Variants in PHTF2 observed in about 807,000 individuals in gnomAD.
PHTF2 encodes the protein putative homeodomain transcription factor 2, also known as protein PHTF2.
PHTF2 carries 60 observed loss-of-function variants against 101.2 expected under a neutral mutation model. The ratio of observed to expected loss-of-function variants is 0.59; its 90% CI spans 0.48 to 0.73. PHTF2 has a LOEUF of 0.73. PHTF2 is among the 30% of genes least tolerant of loss of function. The probability of loss-of-function intolerance (pLI) is 0.00; values close to 1 mark genes in which losing one functional copy is unlikely to be tolerated. For synonymous variants in PHTF2, 311 were observed against 307.3 expected, an observed-to-expected ratio of 1.01 and a Z score of -0.13; for missense variants, 747 against 908.7, an observed-to-expected ratio of 0.82 and a Z score of 2.29.
chr7:77,939,736 T>A (rs1805482110), intron 13 of PHTF2, among the ~76,000 whole-genome samples: 2 of 152,216 alleles, frequency 1.3e-5, no homozygotes, highest in Non-Finnish European at 2.9e-5. Flanking sequence ...ATTGCAGTAT[T>A]TATGAATATT....
chr7:77,847,588 G>A (rs1174660636), intron 2 of PHTF2, among the ~76,000 whole-genome samples: 2 of 152,080 alleles, frequency 1.3e-5, no homozygotes, highest in East Asian at 3.8e-4. Flanking sequence ...CATGTTTATA[G>A]GTACATAGTA....
chr7:77,840,322 T>C (rs1795772595), intron 2 of PHTF2, 22 bp downstream of exon 2: 9 of 1,530,916 alleles, frequency 5.9e-6, no homozygotes, highest in Non-Finnish European at 8.1e-6. Context: ...GTCAAAACTT[T>C]TAGCTTTCTA....
intron 2 of PHTF2, among the ~76,000 whole-genome samples, chr7:77,845,586 G>A (rs748268825): frequency 1.4e-4 from 21 of 152,222 alleles, no homozygotes; most frequent in Non-Finnish European, 1.5e-4. Flanking sequence ...TAAATAGTTG[G>A]GAACTTTAAA....
chr7:77,808,938 C>T (rs908889101), intron 1 of PHTF2, among the ~76,000 whole-genome samples: 1 of 152,020 alleles, frequency 6.6e-6, no homozygotes, highest in African/African-American at 2.4e-5. Context: ...TAATCTGGTT[C>T]TCATTACTCC....
At chr7:77,907,408 A>C (rs1801964028) in intron 7 of PHTF2, among the ~76,000 whole-genome samples, 2 of 152,334 alleles carry the variant, frequency 1.3e-5, no homozygotes, top group East Asian at 3.9e-4. Flanking sequence ...CAGGTGGCAG[A>C]AACTAAATGC....
chr7:77,933,708 T>G (rs1804819281), intron 12 of PHTF2, among the ~76,000 whole-genome samples: 1 of 135,458 alleles, frequency 7.4e-6, no homozygotes, highest in African/African-American at 3.1e-5. Context: ...GCAGGGACCA[T>G]GTGTTTTTTT....
intron 12 of PHTF2, among the ~76,000 whole-genome samples, chr7:77,932,177 G>A (rs1456349009): frequency 6.6e-6 from 1 of 152,160 alleles, no homozygotes; most frequent in East Asian, 1.9e-4. Flanking sequence ...AATTGAGCTG[G>A]AGTGTTTTGG....
At chr7:77,801,557 C>T (rs914063918) in intron 1 of PHTF2, among the ~76,000 whole-genome samples, 1 of 152,066 alleles carries the variant, frequency 6.6e-6, no homozygotes, top group African/African-American at 2.4e-5. Flanking sequence ...CTGCACTTGG[C>T]CTGGGTGACA....
In PHTF2 at chr7:77,947,637, A is replaced by G. The variant is rs963059855; in HGVS notation, c.1960-2041A>G. Among the ~76,000 whole-genome samples, 5 of 152,172 alleles carry G rather than the reference A, an allele frequency of 3.3e-5. No individual in the cohort carries two copies. The East Asian group carries it at 9.7e-4, about 29-fold the overall frequency. On this transcript the variant is annotated intron_variant, in intron 16 of 19. Coordinates refer to ENST00000416283, the Ensembl canonical transcript of PHTF2. The stretch of plus-strand genomic sequence containing the variant: ...GGTGGGAAGGCTCAATTTCAATTTC[A>G]TATTGATTCTCCTGGGGGAATTGTT...
At chr7:77,823,192 C>G (rs1386207625) in intron 1 of PHTF2, among the ~76,000 whole-genome samples, 1 of 151,548 alleles carries the variant, frequency 6.6e-6, no homozygotes, top group Non-Finnish European at 1.5e-5. Context: ...GCGTGAGCCA[C>G]CGCGCCCGGC....
At chr7:77,862,505 CG>C (rs2150678264) in intron 3 of PHTF2, among the ~76,000 whole-genome samples, 1 of 152,170 alleles carries the variant, frequency 6.6e-6, no homozygotes, top group South Asian at 2.1e-4. Flanking sequence ...TGGCCTGTAG[CG>C]GTTGCCAGAT....
chr7:77,880,634 C>T (rs1442028348), intron 3 of PHTF2, among the ~76,000 whole-genome samples: 3 of 152,060 alleles, frequency 2.0e-5, no homozygotes, highest in African/African-American at 7.2e-5. Flanking sequence ...CTTCACATCC[C>T]GCTTGGATTG....
chr7:77,854,651 G>A, intron 2 of PHTF2: 1 of 680,772 alleles, frequency 1.5e-6, no homozygotes, highest in Non-Finnish European at 2.7e-6. Context: ...TCTACTCCAT[G>A]CTGTATTCTG....
chr7:77,919,660 G>T (rs945198368), intron 9 of PHTF2, among the ~76,000 whole-genome samples: 3 of 152,016 alleles, frequency 2.0e-5, no homozygotes, highest in African/African-American at 7.2e-5. Context: ...TAGCCCTTTA[G>T]ATATTTATAA....
chr7:77,887,647 A>C (rs1584600936), intron 3 of PHTF2, among the ~76,000 whole-genome samples: 1 of 152,212 alleles, frequency 6.6e-6, no homozygotes, highest in African/African-American at 2.4e-5. Context: ...TGTTGTCATT[A>C]AGAAGAAGGA....
intron 9 of PHTF2, among the ~76,000 whole-genome samples, chr7:77,913,649 A>G (rs573755124): frequency 1.3e-5 from 2 of 152,076 alleles, no homozygotes; most frequent in East Asian, 3.9e-4. Context: ...AGCTCTCACT[A>G]TGTTGCCAAG....
Position 77,850,360 on chromosome 7 carries a change from C to CAAAAAAAAAAAA in PHTF2, c.46-4359_46-4348dup, listed in dbSNP as rs71082789. ...TGAAAGACAAAGCAAGACCTTGTCTCAAAAAAAAAAAAAAAAAAAAAAAAA... is the reference window on the plus strand; with the variant it reads ...TGAAAGACAAAGCAAGACCTTGTCTCAAAAAAAAAAAAAAAAAAAAAAAAAAAAAAAAAAAAA... On this transcript the variant is annotated intron_variant, in intron 2 of 19. Transcript: ENST00000416283. Among the ~76,000 whole-genome samples the CAAAAAAAAAAAA allele has an allele frequency of 3.5e-3, 157 of 44,388 alleles. 9 individuals are homozygous for CAAAAAAAAAAAA. Among genetic ancestry groups the CAAAAAAAAAAAA allele is most frequent in the African/African-American group, 0.013 (151 of 11,564 alleles). The allele number at this position is 44,388 out of a possible 152,430, so 29.1% of individuals were successfully genotyped here.
chr7:77,868,666 G>A (rs369644545), intron 3 of PHTF2, among the ~76,000 whole-genome samples: 2 of 152,068 alleles, frequency 1.3e-5, no homozygotes, highest in South Asian at 2.1e-4. Flanking sequence ...TCCACAAATT[G>A]CTATTATTTT....
chr7:77,927,082 C>G (rs547249707), intron 11 of PHTF2, among the ~76,000 whole-genome samples: 237 of 142,376 alleles, frequency 1.7e-3, no homozygotes, highest in Non-Finnish European at 2.7e-3. Flanking sequence ...TGCTTGAACC[C>G]AGGAGGTGGA....
Sources: allele counts gnomAD v4.1 joint callset (sites outside exome capture counted in the v4.1 genomes callset), GRCh38; gene constraint gnomAD v4.1.1; transcripts MANE v1.5; gene names NCBI Gene and HGNC (gene_info 2026-07-23, HGNC 2026-07-21).